Variants in PCDH17 observed in about 807,000 individuals in gnomAD.
PCDH17 encodes the protein protocadherin-17.
In PCDH17, 21 loss-of-function variants were observed where a neutral mutation model predicts 67.7. That is an observed-to-expected ratio of 0.31 (90% CI 0.22 to 0.45). The LOEUF (loss-of-function observed/expected upper bound fraction) is 0.45, where lower values mean the gene tolerates loss of function less well. Among genes scored for constraint, PCDH17 ranks in the 20% least tolerant of loss-of-function variants. PCDH17 has a pLI of 1.00. For synonymous variants in PCDH17, 701 were observed against 656.7 expected, an observed-to-expected ratio of 1.07 and a Z score of -1.03; for missense variants, 1,471 against 1,564.8, an observed-to-expected ratio of 0.94 and a Z score of 1.01.
At chr13:57,724,505 A>T in intron 3 of PCDH17, 107 bp from the exon 4 acceptor site, 2 of 799,554 alleles carry the variant, frequency 2.5e-6, no homozygotes, top group Non-Finnish European at 4.0e-6. Flanking sequence ...CTTTTTAATT[A>T]AGAGACCAGA....
At chr13:57,664,302 A>C (rs1239715970) in intron 1 of PCDH17, among the ~76,000 whole-genome samples, 1 of 152,154 alleles carries the variant, frequency 6.6e-6, no homozygotes, top group East Asian at 1.9e-4. Flanking sequence ...ATTTGGCTGC[A>C]GTACCGTTGC....
chr13:57,706,181 G>A (rs1593942149), intron 3 of PCDH17, among the ~76,000 whole-genome samples: 1 of 152,064 alleles, frequency 6.6e-6, no homozygotes, highest in African/African-American at 2.4e-5. Context: ...TTGTTTCAAA[G>A]TATTTCGTAT....
At chr13:57,672,408 T>C (rs965143159) in intron 3 of PCDH17, among the ~76,000 whole-genome samples, 1 of 152,034 alleles carries the variant, frequency 6.6e-6, no homozygotes, top group Non-Finnish European at 1.5e-5. Context: ...TGAGTTTCAC[T>C]CCCTCAACTC....
intron 3 of PCDH17, among the ~76,000 whole-genome samples, chr13:57,695,676 CTG>C (rs1377074953): frequency 6.6e-6 from 1 of 151,228 alleles, no homozygotes; most frequent in Non-Finnish European, 1.5e-5. Flanking sequence ...GGATGGAAAA[CTG>C]GGGCCAAATT....
upstream of PCDH17, among the ~76,000 whole-genome samples, chr13:57,630,435 G>A (rs1240727281): frequency 6.6e-6 from 1 of 151,714 alleles, no homozygotes; most frequent in Non-Finnish European, 1.5e-5. Flanking sequence ...AAAAAATTGA[G>A]AGGAAAATCT....
chr13:57,666,559 C>A (rs760012097), intron 2 of PCDH17, 33 bp downstream of exon 2: 4 of 1,610,146 alleles, frequency 2.5e-6, no homozygotes, highest in Non-Finnish European at 3.4e-6. Context: ...TCTCAGCTTC[C>A]CCATTTGCAT....
intron 3 of PCDH17, among the ~76,000 whole-genome samples, chr13:57,720,958 C>T (rs1955867797): frequency 6.6e-6 from 1 of 152,068 alleles, no homozygotes; most frequent in Non-Finnish European, 1.5e-5. Flanking sequence ...TAATACTAAA[C>T]AAGTGTTTAA....
intron 3 of PCDH17, among the ~76,000 whole-genome samples, chr13:57,683,164 A>G (rs1380745203): frequency 6.6e-6 from 1 of 151,918 alleles, no homozygotes; most frequent in African/African-American, 2.4e-5. Flanking sequence ...AGTTCTAACC[A>G]GCCTAGGTGG....
intron 3 of PCDH17, among the ~76,000 whole-genome samples, chr13:57,705,234 T>C (rs965947191): frequency 1.3e-5 from 2 of 152,046 alleles, no homozygotes; most frequent in African/African-American, 4.8e-5. Context: ...TTTAGCATAA[T>C]ATTTCTTAAG....
At chr13:57,641,699 A>G (rs779747299) in intron 1 of PCDH17, among the ~76,000 whole-genome samples, 2 of 144,892 alleles carry the variant, frequency 1.4e-5, no homozygotes, top group African/African-American at 2.5e-5. Context: ...CCCTGGATCT[A>G]TTCCAAGCAG....
chr13:57,642,113 C>T (rs778442780), intron 1 of PCDH17, among the ~76,000 whole-genome samples: 13 of 151,336 alleles, frequency 8.6e-5, no homozygotes, highest in Non-Finnish European at 5.9e-5. Flanking sequence ...TGAAAAATGC[C>T]AAGGTAAAGA....
chr13:57,691,763 A>G (rs1370673562), intron 3 of PCDH17, among the ~76,000 whole-genome samples: 3 of 151,258 alleles, frequency 2.0e-5, no homozygotes, highest in Non-Finnish European at 4.4e-5. Context: ...TAATTCATGG[A>G]GAAAGTGGCC....
intron 1 of PCDH17, among the ~76,000 whole-genome samples, chr13:57,656,089 G>C (rs75652787): frequency 6.6e-6 from 1 of 151,984 alleles, no homozygotes; most frequent in Admixed American, 6.5e-5. Flanking sequence ...GAAAAAAAAT[G>C]TAAACAATGC....
chr13:57,647,992 C>A (rs1293674696), intron 1 of PCDH17, among the ~76,000 whole-genome samples: 1 of 151,840 alleles, frequency 6.6e-6, no homozygotes, highest in Non-Finnish European at 1.5e-5. Flanking sequence ...CAACAAATTT[C>A]TTAGAATTAT....
Position 57,724,726 on chromosome 13 carries a change from C to A in PCDH17, c.2912C>A (p.Thr971Lys). The A allele has an allele frequency of 6.2e-7, 1 of 1,614,084 alleles. No individual in the cohort carries two copies. Among genetic ancestry groups the A allele is most frequent in the Non-Finnish European group, 8.5e-7 (1 of 1,179,986 alleles). ...CAGGCTGAAAATGCAGATTACCGCA[C>A]AAATCTCTTTGTACCTACAGTTGAA... is the stretch of plus-strand genomic sequence containing the variant. ...ANQAENADYR[T>K]NLFVPTVEAN... The change falls in exon 4 of 4, where the codon ACA becomes AAA. Residue 971 changes from threonine (T) to lysine (K), a missense_variant. This residue lies in a region of PCDH17 where 297 missense variants were observed against 298.6 expected (regional missense o/e 0.99). Transcript: ENST00000377918.
At chr13:57,675,552 G>A (rs1251605120) in intron 3 of PCDH17, among the ~76,000 whole-genome samples, 2 of 151,956 alleles carry the variant, frequency 1.3e-5, no homozygotes, top group African/African-American at 2.4e-5. Context: ...GAATCAAAGA[G>A]AATTTGTGGA....
At chr13:57,693,338 A>ATATATATATGTATT (rs1401987726) in intron 3 of PCDH17, among the ~76,000 whole-genome samples, 10 of 142,124 alleles carry the variant, frequency 7.0e-5, no homozygotes, top group Admixed American at 2.8e-4. Flanking sequence ...ATATATATAT[A>ATATATATATGTATT]TATATATCAA....
rs774288120 is a variant in PCDH17 at position 57,634,695 on chromosome 13, A to G, written c.2149A>G (p.Ile717Val). 1.4e-5 allele frequency: 23 copies of G among 1,613,556 alleles called. No homozygotes were observed. The highest frequency in any genetic ancestry group is 2.7e-5 in the African/African-American group (2 of 74,838). The change falls in exon 1 of 4, where the codon ATC (isoleucine) becomes GTC (valine). Residue 717 changes from isoleucine (I) to valine (V), a missense_variant. Ile to Val is a conservative substitution (Grantham distance 29). Transcript: ENST00000377918. This position sits in a 1 kb window ranked among gnomAD's most constrained non-coding sequence, Gnocchi z 7.8. ...CATCGTGACTCTGAGCACTATCTCC[A>G]TCATCCTCCTAGCGGCCATGATCAC... The part of the protein sequence containing the change: ...PLIVTLSTIS[I>V]ILLAAMITIA...
rs776833260 is a variant in PCDH17 at position 57,633,572 on chromosome 13, C to G, written c.1026C>G (p.Ile342Met). 6.2e-7 allele frequency: 1 copy of G among 1,613,498 alleles called. No individual in the cohort carries two copies. Among genetic ancestry groups the G allele is most frequent in the Non-Finnish European group, 8.5e-7 (1 of 1,180,032 alleles). Residue 342 changes from isoleucine to methionine, a missense_variant, in exon 1 of 4, where the codon ATC (isoleucine) becomes ATG (methionine). Physicochemically the swap from Ile to Met is conservative, Grantham distance 10. Coordinates refer to ENST00000377918, the MANE Select transcript of PCDH17 (RefSeq NM_001040429.3). This position sits in a 1 kb window ranked among gnomAD's most constrained non-coding sequence, Gnocchi z 6.2. ...ACTGCAAAGTCACGGTCAAGCTCAT[C>G]GACCGCAACGACAATGCGCCGTCCA... is the stretch of plus-strand genomic sequence containing the variant. ...PAHCKVTVKL[I>M]DRNDNAPSIG...
Sources: gnomAD v4.1 joint callset for allele counts (sites outside exome capture counted in the v4.1 genomes callset) on GRCh38, gnomAD v4.1.1 for gene constraint, gnomAD v4.1.1 regional missense constraint, Gnocchi (gnomAD v3.1) non-coding constraint, MANE v1.5 for transcripts, NCBI Gene and HGNC (gene_info 2026-07-23, HGNC 2026-07-21) for gene names.